ITSN1: variants seen among roughly 807,000 people sequenced by gnomAD.
The protein encoded by ITSN1 is intersectin 1.
Under a neutral mutation model 239.8 loss-of-function variants are expected in ITSN1, and 58 were observed. The ratio of observed to expected loss-of-function variants is 0.24; its 90% CI spans 0.20 to 0.30. The LOEUF (loss-of-function observed/expected upper bound fraction) is 0.30, where lower values mean the gene tolerates loss of function less well. ITSN1 is among the 10% of genes least tolerant of loss of function. The probability of loss-of-function intolerance (pLI) is 1.00; values close to 1 mark genes in which losing one functional copy is unlikely to be tolerated. For synonymous variants in ITSN1, 780 were observed against 770.8 expected (o/e 1.01, Z -0.20); for missense variants, 1,558 against 2,103.3 (o/e 0.74, Z 5.07).
chr21:33,655,760 C>T (rs1322488232), intron 1 of ITSN1, among the ~76,000 whole-genome samples: 3 of 151,814 alleles, frequency 2.0e-5, no homozygotes, highest in Admixed American at 6.6e-5. Context: ...AGTGTACTGT[C>T]GAAATACCAA....
At chr21:33,752,465 CATT>C (rs1344792628) in intron 7 of ITSN1, among the ~76,000 whole-genome samples, 1 of 152,134 alleles carries the variant, frequency 6.6e-6, no homozygotes, top group Non-Finnish European at 1.5e-5. Context: ...GCTGACATGA[CATT>C]ATTGCTTATG....
intron 33 of ITSN1, 77 bp from the exon 34 acceptor site, chr21:33,875,272 GGGCCT>G: frequency 2.7e-6 from 4 of 1,507,274 alleles, no homozygotes; most frequent in Non-Finnish European, 3.7e-6. Flanking sequence ...CTGCCCCGCT[GGGCCT>G]GGTCCTGCAG....
intron 14 of ITSN1, among the ~76,000 whole-genome samples, chr21:33,778,292 G>A (rs200435603): frequency 1.3e-5 from 2 of 152,004 alleles, no homozygotes; most frequent in East Asian, 3.8e-4. Flanking sequence ...GGTAATGCTG[G>A]CCTCAGAAAA....
rs530243010 is a variant in ITSN1, at chr21:33,877,307, G to A, written c.4341+1786G>A. ...GGCCTCAGAAGATCCACCTGCCTCA[G>A]CCTCCCAAAGTGCTGGGATTACAGG... On this transcript the variant is annotated intron_variant, in intron 34 of 39. Coordinates refer to ENST00000381318, the MANE Select transcript of ITSN1 (RefSeq NM_003024.3). 2.3e-3 allele frequency among the ~76,000 whole-genome samples: 350 copies of A among 152,150 alleles called. 4 individuals are homozygous for A. The highest frequency in any genetic ancestry group is 7.9e-3 in the African/African-American group (328 of 41,518).
chr21:33,685,809 G>A (rs1298397046), intron 1 of ITSN1, among the ~76,000 whole-genome samples: 1 of 152,104 alleles, frequency 6.6e-6, no homozygotes, highest in Non-Finnish European at 1.5e-5. Context: ...TCCTGTTGGT[G>A]AGTGTGGGAA....
chr21:33,710,552 A>C (rs141096831), intron 1 of ITSN1, among the ~76,000 whole-genome samples: 21 of 151,936 alleles, frequency 1.4e-4, no homozygotes, highest in African/African-American at 5.1e-4. Context: ...TATCCTTTTT[A>C]TATAATATTG....
intron 27 of ITSN1, among the ~76,000 whole-genome samples, chr21:33,832,563 A>G (rs1031613042): frequency 6.6e-6 from 1 of 152,152 alleles, no homozygotes; most frequent in Non-Finnish European, 1.5e-5. Context: ...TGGATCCACA[A>G]ATGAGGAAAC....
At chr21:33,834,114 C>T (rs554624920) in intron 27 of ITSN1, among the ~76,000 whole-genome samples, 193 bp from the exon 28 acceptor site, 3 of 152,128 alleles carry the variant, frequency 2.0e-5, no homozygotes, top group Admixed American at 6.6e-5. Context: ...GCTTTGCTGA[C>T]CAGTGATTGC....
At position 33,882,374 on chromosome 21, in the gene ITSN1, G is replaced by C. The variant is rs754410795; in HGVS notation, c.4473G>C (p.Gln1491His). 5 of 1,614,212 alleles carry C rather than the reference G, an allele frequency of 3.1e-6. No homozygotes were observed. In the South Asian group the frequency reaches 4.4e-5, roughly 14 times the overall value. The change falls in exon 35 of 40, where the codon CAG becomes CAC. Residue 1491 changes from glutamine (Q) to histidine (H), a missense_variant. Gln to His is a conservative substitution (Grantham distance 24). Around this residue, in one of 2 missense-constraint regions of ITSN1, gnomAD observed 576 missense variants for 893.3 expected, o/e 0.64. Coordinates refer to ENST00000381318, the MANE Select transcript of ITSN1 (RefSeq NM_003024.3). The surrounding 1 kb of genome is among the most constrained non-coding windows in gnomAD (Gnocchi z 4.5). ...FLFNDFLLLTQITKPLGSSGT... is the reference protein window; with the variant it reads ...FLFNDFLLLTHITKPLGSSGT... ...TCAACGACTTCCTCCTGCTGACTCA[G>C]ATCACGAAGCCTTTGGGGTCTTCTG...
Position 33,866,421 on chromosome 21 carries a change from T to C in ITSN1, c.4075-812T>C, listed in dbSNP as rs117651419. 8.7e-3 allele frequency among the ~76,000 whole-genome samples: 1,329 copies of C among 152,108 alleles called. 14 individuals are homozygous for C. Among genetic ancestry groups the C allele is most frequent in the Middle Eastern group, 0.065 (19 of 292 alleles). On this transcript the variant is annotated intron_variant, in intron 32 of 39. Transcript: ENST00000381318. ...CCTAGGCCCGAGCAAGATGAGTTCA[T>C]TGTTGGATGCACTTGAACTTCAGGA...
rs1211156247 is a variant in ITSN1 at position 33,856,819 on chromosome 21, G to A, written c.3745G>A (p.Glu1249Lys). The change falls in exon 30 of 40, where the codon GAG (glutamate) becomes AAG (lysine). Residue 1249 changes from glutamate (E) to lysine (K), a missense_variant. Physicochemically the swap from Glu to Lys is moderately conservative, Grantham distance 56. Around this residue, in one of 2 missense-constraint regions of ITSN1, gnomAD observed 576 missense variants for 893.3 expected, o/e 0.64. Coordinates refer to ENST00000381318, the MANE Select transcript of ITSN1 (RefSeq NM_003024.3). Reference sequence around the variant, plus strand: ...ATACATCCACGAGCTCATTGTCACCGAGGAGAACTATGTGAATGACCTGCA... The same window carrying A: ...ATACATCCACGAGCTCATTGTCACCAAGGAGAACTATGTGAATGACCTGCA... ...QGYIHELIVT[E>K]ENYVNDLQLV... is the part of the protein sequence containing the mutation. The A allele has an allele frequency of 1.9e-6, 3 of 1,614,128 alleles. No homozygotes were observed. The highest frequency in any genetic ancestry group is 3.3e-5 in the Admixed American group (2 of 60,020).
chr21:33,712,994 C>T (rs905685169), intron 1 of ITSN1, among the ~76,000 whole-genome samples: 1 of 152,070 alleles, frequency 6.6e-6, no homozygotes, highest in Non-Finnish European at 1.5e-5. Context: ...TCTTGAGCCT[C>T]ACCCTCCTGA....
chr21:33,751,313 G>A (rs2067537248), intron 6 of ITSN1, among the ~76,000 whole-genome samples: 1 of 152,196 alleles, frequency 6.6e-6, no homozygotes, highest in South Asian at 2.1e-4. Flanking sequence ...ATGTGGCTAA[G>A]ACGCAGTGTT....
At chr21:33,800,231 A>G (rs2071875148) in intron 19 of ITSN1, among the ~76,000 whole-genome samples, 1 of 152,000 alleles carries the variant, frequency 6.6e-6, no homozygotes. Flanking sequence ...TACTATGAGT[A>G]TACATATATA....
intron 1 of ITSN1, among the ~76,000 whole-genome samples, chr21:33,690,775 G>GTATATATATATATATATATA (rs1160314187): frequency 4.6e-5 from 1 of 21,612 alleles, no homozygotes; most frequent in Non-Finnish European, 9.4e-5. Context: ...AAAAAAAAGT[G>GTATATATATATATATATATA]TATATATATA....
chr21:33,798,482 C>T (rs2071735451), intron 18 of ITSN1, among the ~76,000 whole-genome samples: 1 of 151,980 alleles, frequency 6.6e-6, no homozygotes, highest in East Asian at 1.9e-4. Context: ...ATCGGAATAG[C>T]TAGAAAAAGC....
At chr21:33,654,841 T>C (rs2088895525) in intron 1 of ITSN1, among the ~76,000 whole-genome samples, 1 of 152,224 alleles carries the variant, frequency 6.6e-6, no homozygotes, top group South Asian at 2.1e-4. Context: ...CCTGACTCTC[T>C]GACAGCATTA....
chr21:33,676,385 C>T (rs2090594613), intron 1 of ITSN1, among the ~76,000 whole-genome samples: 1 of 152,090 alleles, frequency 6.6e-6, no homozygotes, highest in Non-Finnish European at 1.5e-5. Flanking sequence ...TTCTACAACA[C>T]TTTCTCTTTT....
Position 33,836,635 on chromosome 21 carries a change from A to G in ITSN1, c.3661+3A>G. 2 of 1,612,522 alleles carry G rather than the reference A, an allele frequency of 1.2e-6. No individual in the cohort carries two copies. Among genetic ancestry groups the G allele is most frequent in the Non-Finnish European group, 1.7e-6 (2 of 1,178,816 alleles). On this transcript the variant is annotated splice_donor_region_variant and intron_variant, in intron 29 of 39. Transcript: ENST00000381318. Reference sequence around the variant, plus strand: ...AGACATGGACCCAAGCCAGCAATGTAAGTGCCCTGGTGGCTCTGTCGCCTC... The same window carrying G: ...AGACATGGACCCAAGCCAGCAATGTGAGTGCCCTGGTGGCTCTGTCGCCTC...
Sources: allele counts gnomAD v4.1 joint callset (sites outside exome capture counted in the v4.1 genomes callset), GRCh38; gene constraint gnomAD v4.1.1; regional missense constraint gnomAD v4.1.1; non-coding constraint Gnocchi (gnomAD v3.1); transcripts MANE v1.5; gene names NCBI Gene and HGNC (gene_info 2026-07-23, HGNC 2026-07-21).